Variants in RABGAP1L observed in about 807,000 individuals in gnomAD.
The protein encoded by RABGAP1L is rab GTPase-activating protein 1-like.
RABGAP1L carries 63 observed loss-of-function variants against 137.7 expected under a neutral mutation model. That is an observed-to-expected ratio of 0.46 (90% confidence interval 0.37 to 0.56). The LOEUF is 0.56. Among genes scored for constraint, RABGAP1L ranks in the 20% least tolerant of loss-of-function variants. The probability of loss-of-function intolerance (pLI) is 0.00; values close to 1 mark genes in which losing one functional copy is unlikely to be tolerated. For synonymous variants in RABGAP1L, 431 were observed against 433.7 expected (o/e 0.99, Z 0.08); for missense variants, 1,095 against 1,244.0 (o/e 0.88, Z 1.80).
At chr1:174,610,386 C>T (rs1403433165) in intron 13 of RABGAP1L, among the ~76,000 whole-genome samples, 25 of 151,680 alleles carry the variant, frequency 1.6e-4, no homozygotes, top group Admixed American at 2.6e-4. Flanking sequence ...GACATGAACT[C>T]ATCATTTTTT....
intron 13 of RABGAP1L, among the ~76,000 whole-genome samples, chr1:174,561,552 A>C (rs1667215689): frequency 6.6e-6 from 1 of 152,204 alleles, no homozygotes. Context: ...CATAGCCAAG[A>C]CAATCCTAAG....
chr1:174,812,648 T>C (rs1689985163), intron 19 of RABGAP1L, among the ~76,000 whole-genome samples: 1 of 152,222 alleles, frequency 6.6e-6, no homozygotes, highest in South Asian at 2.1e-4. Context: ...TTAGGGACTT[T>C]ACATTCTTGC....
intron 11 of RABGAP1L, among the ~76,000 whole-genome samples, chr1:174,349,940 G>A (rs1428584013): frequency 3.6e-5 from 5 of 138,254 alleles, no homozygotes; most frequent in South Asian, 2.4e-4. Context: ...CCCGGACGGG[G>A]CGGCTGGCCG....
chr1:174,734,666 G>A (rs1002853813), intron 17 of RABGAP1L, among the ~76,000 whole-genome samples: 4 of 152,164 alleles, frequency 2.6e-5, no homozygotes. Context: ...CACCTTGAAT[G>A]TTGGATTGTA....
At chr1:174,288,999 A>G (rs947358278) in intron 10 of RABGAP1L, among the ~76,000 whole-genome samples, 1 of 152,030 alleles carries the variant, frequency 6.6e-6, no homozygotes, top group Admixed American at 6.6e-5. Flanking sequence ...GAAGCATGCT[A>G]TTAAATTTTT....
At chr1:174,727,621 T>C (rs1050835483) in intron 17 of RABGAP1L, among the ~76,000 whole-genome samples, 3 of 152,176 alleles carry the variant, frequency 2.0e-5, no homozygotes, top group African/African-American at 7.2e-5. Context: ...CATGGTAGGG[T>C]GACTATAGTC....
intron 1 of RABGAP1L, among the ~76,000 whole-genome samples, chr1:174,207,364 T>A (rs997034807): frequency 6.6e-6 from 1 of 152,198 alleles, no homozygotes; most frequent in Non-Finnish European, 1.5e-5. Context: ...CAGCTGTTAT[T>A]TCTTTTGATT....
intron 11 of RABGAP1L, among the ~76,000 whole-genome samples, chr1:174,339,666 G>T (rs1202941470): frequency 6.6e-6 from 1 of 151,914 alleles, no homozygotes; most frequent in Non-Finnish European, 1.5e-5. Context: ...GAGTGCAGTG[G>T]CGTGATCTCA....
chr1:174,345,211 T>G (rs935749228), intron 11 of RABGAP1L, among the ~76,000 whole-genome samples: 6 of 152,186 alleles, frequency 3.9e-5, no homozygotes, highest in African/African-American at 1.4e-4. Context: ...TAATTTGAAG[T>G]CAGGTAATGT....
At chr1:174,180,416 A>G (rs1666257746) in intron 1 of RABGAP1L, among the ~76,000 whole-genome samples, 1 of 152,200 alleles carries the variant, frequency 6.6e-6, no homozygotes, top group South Asian at 2.1e-4. Flanking sequence ...GAAACTTGCT[A>G]TTTCCTCCAT....
chr1:174,492,891 G>C (rs147477983), intron 13 of RABGAP1L, among the ~76,000 whole-genome samples: 154 of 151,808 alleles, frequency 1.0e-3, no homozygotes, highest in African/African-American at 3.6e-3. Context: ...TGTATAAGCA[G>C]GTATACTCAC....
intron 13 of RABGAP1L, among the ~76,000 whole-genome samples, chr1:174,404,146 C>T (rs1339901007): frequency 6.6e-6 from 1 of 152,072 alleles, no homozygotes; most frequent in Non-Finnish European, 1.5e-5. Flanking sequence ...TGATAGATAA[C>T]TTTATTATGA....
intron 19 of RABGAP1L, among the ~76,000 whole-genome samples, chr1:174,945,126 A>G (rs1191446190): frequency 1.3e-5 from 2 of 152,206 alleles, no homozygotes; most frequent in East Asian, 3.8e-4. Flanking sequence ...TAGTTTAATT[A>G]ACTCACTCTG....
At chr1:174,503,677 A>C (rs925013138) in intron 13 of RABGAP1L, among the ~76,000 whole-genome samples, 2 of 148,044 alleles carry the variant, frequency 1.4e-5, no homozygotes, top group Non-Finnish European at 3.0e-5. Flanking sequence ...AAAAAAAAAG[A>C]AATGTAAATA....
Sources: allele counts gnomAD v4.1 joint callset (sites outside exome capture counted in the v4.1 genomes callset), GRCh38; gene constraint gnomAD v4.1.1; transcripts MANE v1.5; gene names NCBI Gene and HGNC (gene_info 2026-07-23, HGNC 2026-07-21).